The following ZBTB20 variants were observed in gnomAD, a reference collection of about 807,000 sequenced individuals.
ZBTB20 encodes zinc finger and BTB domain containing 20, also known as zinc finger and BTB domain-containing protein 20.
ZBTB20 carries 9 observed loss-of-function variants against 56.9 expected under a neutral mutation model. The ratio of observed to expected loss-of-function variants is 0.16; its 90% confidence interval spans 0.10 to 0.28. The LOEUF is 0.28. Ranked by LOEUF, ZBTB20 falls within the 10% of genes least tolerant of loss-of-function variation. The pLI, the probability that ZBTB20 is intolerant of heterozygous loss-of-function variation, is 1.00. For synonymous variants in ZBTB20, 417 were observed against 420.7 expected (o/e 0.99, Z 0.11); for missense variants, 655 against 1,003.0 (o/e 0.65, Z 4.69).
intron 3 of ZBTB20, among the ~76,000 whole-genome samples, chr3:114,935,615 T>C (rs1211635553): frequency 6.6e-6 from 1 of 152,218 alleles, no homozygotes; most frequent in Non-Finnish European, 1.5e-5. Context: ...TGAAGAAGCA[T>C]GTTTTCCAGT....
chr3:114,824,452 C>A (rs2073414521), intron 4 of ZBTB20, among the ~76,000 whole-genome samples: 1 of 151,988 alleles, frequency 6.6e-6, no homozygotes, highest in Non-Finnish European at 1.5e-5. Context: ...CTCCAGCTGT[C>A]ACTCAAGAGG....
intron 6 of ZBTB20, among the ~76,000 whole-genome samples, chr3:114,605,813 TC>T (rs2057101200): frequency 6.6e-6 from 1 of 151,960 alleles, no homozygotes; most frequent in Non-Finnish European, 1.5e-5. Flanking sequence ...AGAAAGGGAT[TC>T]TAGGTATAGG....
chr3:114,955,698 G>A (rs1576417402), intron 3 of ZBTB20, among the ~76,000 whole-genome samples: 1 of 152,044 alleles, frequency 6.6e-6, no homozygotes, highest in Non-Finnish European at 1.5e-5. Context: ...AGAGGAAAAG[G>A]AAAAACAACT....
intron 2 of ZBTB20, among the ~76,000 whole-genome samples, chr3:115,025,930 A>G (rs895312874): frequency 6.7e-6 from 1 of 150,138 alleles, no homozygotes; most frequent in Admixed American, 6.7e-5. Flanking sequence ...AAAATACTAA[A>G]TATACTAAAA....
chr3:114,404,173 T>C (rs1415183188), intron 7 of ZBTB20, among the ~76,000 whole-genome samples: 1 of 152,186 alleles, frequency 6.6e-6, no homozygotes, highest in Non-Finnish European at 1.5e-5. Flanking sequence ...AGGGGAATAA[T>C]CCTTCCTTTC....
At chr3:114,535,365 C>T (rs2048340845) in intron 6 of ZBTB20, among the ~76,000 whole-genome samples, 1 of 152,178 alleles carries the variant, frequency 6.6e-6, no homozygotes, top group Non-Finnish European at 1.5e-5. Flanking sequence ...ATAAACACCT[C>T]TATGCAAATA....
chr3:114,427,273 G>A (rs1172861562), intron 7 of ZBTB20, among the ~76,000 whole-genome samples: 2 of 152,052 alleles, frequency 1.3e-5, no homozygotes, highest in South Asian at 2.1e-4. Context: ...ATTTTAAAAC[G>A]TTAAATTTAC....
At chr3:114,536,318 G>A (rs1221427691) in intron 6 of ZBTB20, among the ~76,000 whole-genome samples, 1 of 152,304 alleles carries the variant, frequency 6.6e-6, no homozygotes, top group African/African-American at 2.4e-5. Context: ...CAAAATCCAT[G>A]TGCAAAAATC....
At chr3:114,721,726 G>C (rs1444427650) in intron 5 of ZBTB20, among the ~76,000 whole-genome samples, 1 of 152,042 alleles carries the variant, frequency 6.6e-6, no homozygotes, top group Non-Finnish European at 1.5e-5. Context: ...TAGGTACAAG[G>C]GATCTTTTGG....
intron 5 of ZBTB20, among the ~76,000 whole-genome samples, chr3:114,702,044 A>T (rs1441316643): frequency 2.0e-5 from 3 of 152,234 alleles, no homozygotes; most frequent in Non-Finnish European, 4.4e-5. Context: ...CATAAAAAAA[A>T]ATCAGATGAT....
intron 6 of ZBTB20, among the ~76,000 whole-genome samples, chr3:114,611,998 A>G (rs2057595008): frequency 6.6e-6 from 1 of 152,236 alleles, no homozygotes; most frequent in South Asian, 2.1e-4. Flanking sequence ...GTCTTCAATA[A>G]CATGGCTCTC....
intron 5 of ZBTB20, among the ~76,000 whole-genome samples, chr3:114,784,836 A>G (rs2070374147): frequency 6.6e-6 from 1 of 152,230 alleles, no homozygotes; most frequent in South Asian, 2.1e-4. Context: ...TCTTTAGGAT[A>G]GCCTATGAAT....
At chr3:114,597,527 T>C (rs554892668) in intron 6 of ZBTB20, among the ~76,000 whole-genome samples, 1 of 152,310 alleles carries the variant, frequency 6.6e-6, no homozygotes, top group East Asian at 1.9e-4. Flanking sequence ...ATATGGCTTG[T>C]TTGTGCATTT....
intron 3 of ZBTB20, among the ~76,000 whole-genome samples, chr3:114,963,488 G>A (rs986249316): frequency 2.6e-5 from 4 of 152,184 alleles, no homozygotes; most frequent in South Asian, 2.1e-4. Flanking sequence ...AAGTTTTACC[G>A]CAACCACATC....
At chr3:114,452,597 T>C (rs1019489436) in intron 7 of ZBTB20, among the ~76,000 whole-genome samples, 3 of 152,158 alleles carry the variant, frequency 2.0e-5, no homozygotes, top group Admixed American at 6.5e-5. Context: ...GGAGGGTTTT[T>C]TGATGAGCAT....
intron 2 of ZBTB20, among the ~76,000 whole-genome samples, chr3:115,069,563 A>G (rs989384975): frequency 2.0e-5 from 3 of 152,138 alleles, no homozygotes; most frequent in Non-Finnish European, 4.4e-5. Flanking sequence ...GGTAGTTACC[A>G]TCAAACTTGC....
chr3:114,508,260 G>A (rs769178355), intron 6 of ZBTB20, among the ~76,000 whole-genome samples: 24 of 152,096 alleles, frequency 1.6e-4, no homozygotes, highest in Non-Finnish European at 2.8e-4. Flanking sequence ...CACAGATAAG[G>A]TCTAACAGGG....
intron 3 of ZBTB20, among the ~76,000 whole-genome samples, chr3:114,934,840 T>C (rs1383084389): frequency 6.6e-6 from 1 of 152,228 alleles, no homozygotes; most frequent in Admixed American, 6.5e-5. Flanking sequence ...ATATAATTGT[T>C]AATTATCATC....
At chr3:114,353,649 G>T (rs1275915446) in intron 10 of ZBTB20, among the ~76,000 whole-genome samples, 1 of 152,234 alleles carries the variant, frequency 6.6e-6, no homozygotes, top group East Asian at 1.9e-4. Flanking sequence ...ACCCAGGAAG[G>T]GCTGTTCAGG....
Sources: gnomAD v4.1 joint callset for allele counts (sites outside exome capture counted in the v4.1 genomes callset) on GRCh38, gnomAD v4.1.1 for gene constraint, MANE v1.5 for transcripts, NCBI Gene and HGNC (gene_info 2026-07-23, HGNC 2026-07-21) for gene names.